AMY2B: variants seen among roughly 807,000 people sequenced by gnomAD.
AMY2B encodes alpha-amylase 2B.
A neutral mutation model predicts 59.3 loss-of-function variants in AMY2B; 63 were observed. The observed-to-expected ratio is 1.06, with a 90% CI of 0.87 to 1.31. The LOEUF (loss-of-function observed/expected upper bound fraction) is 1.31, where lower values mean the gene tolerates loss of function less well. AMY2B is among the 50% of genes most tolerant of loss of function. AMY2B has a pLI of 0.00. For synonymous variants in AMY2B, 180 were observed against 198.1 expected, an observed-to-expected ratio of 0.91 and a Z score of 0.77; for missense variants, 635 against 626.7, an observed-to-expected ratio of 1.01 and a Z score of -0.14.
chr1:103,555,296 TA>T, intron 1 of AMY2B: 1 of 151,666 alleles, frequency 6.6e-6, no homozygotes, highest in South Asian at 2.1e-4. Flanking sequence ...CATAATATTA[TA>T]AAAAATATAT....
chr1:103,572,411 A>T (rs1359084768), intron 2 of AMY2B, among the ~76,000 whole-genome samples, 155 bp downstream of exon 2: 4 of 152,264 alleles, frequency 2.6e-5, no homozygotes, highest in African/African-American at 4.8e-5. Context: ...CCTTATGTTC[A>T]GCTTTTGTAA....
intron 7 of AMY2B, 97 bp from the exon 8 acceptor site, chr1:103,577,393 G>A (rs1352776555): frequency 6.3e-7 from 1 of 1,593,396 alleles, no homozygotes; most frequent in Non-Finnish European, 8.6e-7. Flanking sequence ...ATTGAATGCA[G>A]AGACACAAGT....
At chr1:103,572,290 G>A in intron 2 of AMY2B, 34 bp downstream of exon 2, 1 of 1,601,712 alleles carries the variant, frequency 6.2e-7, no homozygotes, top group Non-Finnish European at 8.5e-7. Context: ...AAAAATAACA[G>A]ATAGGAAAAT....
rs1246412999 is a variant in AMY2B at position 103,556,065 on chromosome 1, TA to T, written c.-207+957del. Among the ~76,000 whole-genome samples the T allele has an allele frequency of 2.6e-5, 4 of 152,270 alleles. No homozygotes were observed. The East Asian group carries it at 7.7e-4, about 29-fold the overall frequency. On this transcript the variant is annotated intron_variant, in intron 1 of 11. Transcript: ENST00000361355. ...ATAGGAGCATGTCAAATTTTTGTTA[TA>T]TTTTCTCAGAGAAATAGGAAACAAG...
rs759587030 is a variant in AMY2B, at chr1:103,577,838, G to A, written c.1339G>A (p.Asp447Asn). 6.9e-6 allele frequency: 11 copies of A among 1,602,802 alleles called. No homozygotes were observed. The highest frequency in any genetic ancestry group is 9.3e-6 in the Non-Finnish European group (11 of 1,179,696). The part of the protein sequence containing the change: ...GNRGFIVFNN[D>N]DWTFSLTLQT... ...CAGAGGATTCATTGTTTTCAACAAT[G>A]ATGACTGGTAAGTACATATCAATTA... The change falls in exon 9 of 10, where the codon GAT (aspartate) becomes AAT (asparagine). Residue 447 changes from aspartate to asparagine, a missense_variant. Transcript: ENST00000684275.
Position 103,573,119 on chromosome 1 carries a change from A to G in AMY2B, c.372A>G (p.Ala124=). 1 of 1,613,788 alleles carries G rather than the reference A, an allele frequency of 6.2e-7. No individual in the cohort carries two copies. Among genetic ancestry groups the G allele is most frequent in the Non-Finnish European group, 8.5e-7 (1 of 1,179,724 alleles). The change falls in exon 3 of 10, where the codon GCA becomes GCG. Residue 124 remains alanine, a synonymous_variant. Transcript: ENST00000684275. The stretch of plus-strand genomic sequence containing the variant: ...ATATGTCTGGTAATGCTGTGAGTGC[A>G]GGAACAAGCAGTACCTGTGGAAGTT... ...INHMSGNAVS[A]GTSSTCGSYF...
At chr1:103,572,977 A>T in intron 2 of AMY2B, 86 bp from the exon 3 acceptor site, 2 of 1,605,620 alleles carry the variant, frequency 1.2e-6, no homozygotes, top group Middle Eastern at 2.3e-4. Context: ...TTGGAGTTTT[A>T]TTAACATACT....
At chr1:103,570,243 ATCC>A, upstream of AMY2B, 3 of 534,730 alleles carry the variant, frequency 5.6e-6, no homozygotes, top group East Asian at 4.8e-5. Context: ...CCACTGCCAC[ATCC>A]TCCTCCTCCC....
chr1:103,568,651 G>T (rs561899215), upstream of AMY2B: 55 of 152,116 alleles, frequency 3.6e-4, no homozygotes, highest in African/African-American at 1.3e-3. Context: ...AATATTTTGA[G>T]AATTCAGTTG....
At chr1:103,576,882 GTT>G (rs987138979) in intron 7 of AMY2B, among the ~76,000 whole-genome samples, 18 of 152,176 alleles carry the variant, frequency 1.2e-4, no homozygotes, top group Non-Finnish European at 1.3e-4. Flanking sequence ...TAATCCTGGT[GTT>G]TCTGGTACTA....
At chr1:103,567,295 C>T (rs1651941856), upstream of AMY2B, among the ~76,000 whole-genome samples, 1 of 152,000 alleles carries the variant, frequency 6.6e-6, no homozygotes, top group Non-Finnish European at 1.5e-5. Context: ...ATATGAGGAA[C>T]TTCTAGTTTT....
At chr1:103,575,176 C>T (rs1201880487) in intron 5 of AMY2B, 47 bp from the exon 6 acceptor site, 3 of 1,610,518 alleles carry the variant, frequency 1.9e-6, no homozygotes, top group South Asian at 1.1e-5. Flanking sequence ...TACTCGCAAA[C>T]TATTGTGAAA....
At chr1:103,559,888 A>G (rs990177045) in intron 1 of AMY2B, among the ~76,000 whole-genome samples, 6 of 152,164 alleles carry the variant, frequency 3.9e-5, no homozygotes, top group African/African-American at 1.4e-4. Flanking sequence ...TAATATGAAA[A>G]TATAAAAATG....
chr1:103,575,158 A>G, intron 5 of AMY2B, 65 bp from the exon 6 acceptor site: 1 of 1,608,274 alleles, frequency 6.2e-7, no homozygotes, highest in East Asian at 2.2e-5. Flanking sequence ...AGAGATGCAC[A>G]GTTAAGTTAC....
intron 1 of AMY2B, among the ~76,000 whole-genome samples, chr1:103,561,381 C>G (rs747225130): frequency 1.3e-3 from 197 of 152,204 alleles, no homozygotes; most frequent in Non-Finnish European, 2.2e-3. Flanking sequence ...AATTCTCCTG[C>G]CTCTGCCTCC....
At chr1:103,569,372 T>G (rs1410449206), upstream of AMY2B, 1 of 180,010 alleles carries the variant, frequency 5.6e-6, no homozygotes, top group African/African-American at 2.4e-5. Context: ...TAAATATATA[T>G]TTACTGTCCT....
At chr1:103,577,444 G>T (rs756581423) in intron 7 of AMY2B, 46 bp from the exon 8 acceptor site, 3 of 1,611,458 alleles carry the variant, frequency 1.9e-6, no homozygotes, top group African/African-American at 1.3e-5. Flanking sequence ...GAAGGAAGAG[G>T]TAAATATATG....
At chr1:103,566,661 A>G (rs1375985379), upstream of AMY2B, among the ~76,000 whole-genome samples, 2 of 152,178 alleles carry the variant, frequency 1.3e-5, no homozygotes, top group Non-Finnish European at 2.9e-5. Flanking sequence ...TCTAGGAGAA[A>G]CATTAGTGTA....
intron 2 of AMY2B, 26 bp downstream of exon 2, chr1:103,572,282 A>C: frequency 6.2e-7 from 1 of 1,604,602 alleles, no homozygotes; most frequent in Non-Finnish European, 8.5e-7. Flanking sequence ...TTTCCTTGAA[A>C]AATAACAGAT....
Sources: allele counts gnomAD v4.1 joint callset (sites outside exome capture counted in the v4.1 genomes callset), GRCh38; gene constraint gnomAD v4.1.1; transcripts MANE v1.5; gene names NCBI Gene and HGNC (gene_info 2026-07-23, HGNC 2026-07-21).